COG8: variants seen among roughly 807,000 people sequenced by gnomAD.
The protein encoded by COG8 is component of oligomeric golgi complex 8.
COG8 carries 45 observed loss-of-function variants against 46.5 expected under a neutral mutation model. The ratio of observed to expected loss-of-function variants is 0.97; its 90% CI spans 0.76 to 1.24. The LOEUF (loss-of-function observed/expected upper bound fraction) is 1.24, where lower values mean the gene tolerates loss of function less well. COG8 is among the 50% of genes most tolerant of loss of function. The pLI is 0.00. For synonymous variants in COG8, 407 were observed against 347.8 expected (o/e 1.17, Z -1.90); for missense variants, 793 against 820.8 (o/e 0.97, Z 0.41).
chr16:69,330,702 C>G, intron 5 of COG8, 111 bp downstream of exon 5: 2 of 1,399,666 alleles, frequency 1.4e-6, no homozygotes, highest in Non-Finnish European at 1.9e-6. Context: ...TGGCAGTGAG[C>G]ACCGCCCCCT....
Position 69,328,971 on chromosome 16 carries a change from GAA to G in COG8, c.*233_*234del. ...AAGTAAGATTTGCCCAGCTCAAAGT[GAA>G]AGTGTTTGCGTCTTGGTATCCGGAA... On this transcript the variant is annotated 3_prime_UTR_variant, in exon 6 of 6. Transcript: ENST00000306875. 1.9e-6 allele frequency: 3 copies of G among 1,577,646 alleles called. No homozygotes were observed. The highest frequency in any genetic ancestry group is 2.3e-5 in the East Asian group (1 of 42,666).
In COG8 at chr16:69,328,448, G is replaced by A. The variant is rs912641193; in HGVS notation, c.*758C>T. 6.5e-6 allele frequency: 1 copy of A among 153,556 alleles called. No homozygotes were observed. The highest frequency in any genetic ancestry group is 2.4e-5 in the African/African-American group (1 of 41,434). The allele number at this position is 153,556 out of a possible 1,614,324, so 9.5% of individuals were successfully genotyped here. A position where few individuals can be genotyped will look rare whatever the true frequency, so the allele number is the denominator to read the frequency against. ...AATGAGCCAAGAACCAGCTGCTCTAGGGATCTCAGCAGCAAAATCCTGCCC... is the reference window on the plus strand; with the variant it reads ...AATGAGCCAAGAACCAGCTGCTCTAAGGATCTCAGCAGCAAAATCCTGCCC... On this transcript the variant is annotated 3_prime_UTR_variant, in exon 6 of 6. Coordinates refer to ENST00000306875, the MANE Select transcript of COG8 (RefSeq NM_032382.5).
chr16:69,329,979 G>A (rs1040624456), intron 5 of COG8: 11 of 1,511,608 alleles, frequency 7.3e-6, no homozygotes, highest in Non-Finnish European at 9.7e-6. Flanking sequence ...CAGCAGCCCC[G>A]GTCCCCGCCG....
Position 69,334,899 on chromosome 16 carries a change from C to T in COG8, c.1035G>A (p.Leu345=). 1 of 1,614,196 alleles carries T rather than the reference C, an allele frequency of 6.2e-7. No homozygotes were observed. The highest frequency in any genetic ancestry group is 8.5e-7 in the Non-Finnish European group (1 of 1,180,032). The change falls in exon 3 of 6, where the codon CTG becomes CTA. Residue 345 remains leucine (L), a synonymous_variant. Transcript: ENST00000306875. ...YRGIGGHLDS[L]LGQCMYFGLS... Reference sequence around the variant, plus strand: ...GCCCAAAGTACATGCACTGGCCCAGCAGAGAGTCCAGGTGGCCGCCTATGC... The same window carrying T: ...GCCCAAAGTACATGCACTGGCCCAGTAGAGAGTCCAGGTGGCCGCCTATGC...
At chr16:69,334,151 G>C (rs1346199159) in intron 3 of COG8, among the ~76,000 whole-genome samples, 1 of 152,166 alleles carries the variant, frequency 6.6e-6, no homozygotes, top group African/African-American at 2.4e-5. Flanking sequence ...CCAACACCTT[G>C]ATGGCAACCC....
At position 69,339,538 on chromosome 16, in the gene COG8, C is replaced by A; in HGVS notation, c.15G>T (p.Ala5=). Residue 5 remains alanine (A), a synonymous_variant, in exon 1 of 6, where the codon GCG becomes GCT. Transcript: ENST00000306875. MATA[A]TIPSVATATA... is the part of the protein sequence containing the mutation. ...TGGCCGTGGCTACCGATGGGATAGTCGCCGCGGTCGCCATCTTCCCAGCAA... is the reference window on the plus strand; with the variant it reads ...TGGCCGTGGCTACCGATGGGATAGTAGCCGCGGTCGCCATCTTCCCAGCAA... 2 of 1,608,716 alleles carry A rather than the reference C, an allele frequency of 1.2e-6. No homozygotes were observed. Among genetic ancestry groups the A allele is most frequent in the Non-Finnish European group, 1.7e-6 (2 of 1,179,932 alleles).
In COG8 at chr16:69,336,713, C is replaced by G. The variant is rs757320339; in HGVS notation, c.378-1G>C. ...CTCCTCGGCTTCCTTCACAAAGTTC[C>G]TAGTAATAATCAGAAGAATGTTGAT... On this transcript the variant is annotated splice_acceptor_variant, in intron 1 of 5. Transcript: ENST00000306875. LOFTEE classifies it high-confidence loss of function. 1.2e-6 allele frequency: 2 copies of G among 1,613,678 alleles called. No homozygotes were observed. The highest frequency in any genetic ancestry group is 1.3e-5 in the African/African-American group (1 of 74,918).
Position 69,330,811 on chromosome 16 carries a change from A to C in COG8, c.*26+2T>G. ...CCACCCCGCGCCGGGAACCTCACGC[A>C]CCGCGTTCTGGAGGCAGGGGACGCC... On this transcript the variant is annotated splice_donor_variant, in intron 5 of 5. Coordinates refer to ENST00000306875, the MANE Select transcript of COG8 (RefSeq NM_032382.5). LOFTEE classifies it low-confidence loss of function (3UTR_SPLICE). 6.5e-7 allele frequency: 1 copy of C among 1,527,094 alleles called. No individual in the cohort carries two copies. The highest frequency in any genetic ancestry group is 1.4e-5 in the African/African-American group (1 of 72,770). 94.6% of individuals were successfully genotyped at this position (1,527,094 alleles called of 1,614,324 possible). A position where few individuals can be genotyped will look rare whatever the true frequency, so the allele number is the denominator to read the frequency against.
chr16:69,329,003 C>G lies in COG8; in HGVS notation c.*203G>C. 6.3e-7 allele frequency: 1 copy of G among 1,597,364 alleles called. No homozygotes were observed. The highest frequency in any genetic ancestry group is 1.7e-4 in the Middle Eastern group (1 of 6,026). ...TTTGCGTCTTGGTATCCGGAATCCT[C>G]AGCCCCAGTAGCAAAGCTTTAGTCA... is the stretch of plus-strand genomic sequence containing the variant. On this transcript the variant is annotated 3_prime_UTR_variant, in exon 6 of 6. Transcript: ENST00000306875.
intron 2 of COG8, 98 bp downstream of exon 2, chr16:69,336,407 G>A: frequency 1.8e-6 from 2 of 1,142,650 alleles, no homozygotes; most frequent in Non-Finnish European, 2.6e-6. Flanking sequence ...AAACTGATGT[G>A]AAACATGCAA....
Position 69,334,710 on chromosome 16 carries a change from G to A in COG8, c.1224C>T (p.Thr408=), listed in dbSNP as rs771046105. The A allele has an allele frequency of 6.2e-7, 1 of 1,614,202 alleles. No homozygotes were observed. Among genetic ancestry groups the A allele is most frequent in the Non-Finnish European group, 8.5e-7 (1 of 1,180,046 alleles). Reference sequence around the variant, plus strand: ...CTGGCACAGCAGCAGGCATGTTACTGGTGCCCAGGATGGCTGGAGCCGAGA... The same window carrying A: ...CTGGCACAGCAGCAGGCATGTTACTAGTGCCCAGGATGGCTGGAGCCGAGA... ...MLISAPAILG[T]SNMPAAVPAT... The change falls in exon 3 of 6, where the codon ACC becomes ACT. Residue 408 remains threonine (T), a synonymous_variant. Coordinates refer to ENST00000306875, the MANE Select transcript of COG8 (RefSeq NM_032382.5).
rs1965614193 is a variant in COG8 at position 69,327,090 on chromosome 16, C to A, written c.*2116G>T. ...TCCTAAAGACCCATGTTTTTAGCAT[C>A]TATGAGCTTTCTACAAATCTCCCCA... is the stretch of plus-strand genomic sequence containing the variant. On this transcript the variant is annotated 3_prime_UTR_variant, in exon 6 of 6. Transcript: ENST00000306875. 6.6e-6 allele frequency: 1 copy of A among 150,602 alleles called. No individual in the cohort carries two copies. Among genetic ancestry groups the A allele is most frequent in the Admixed American group, 6.6e-5 (1 of 15,090 alleles). The allele number at this position is 150,602 out of a possible 1,614,324, so 9.3% of individuals were successfully genotyped here.
intron 2 of COG8, 41 bp from the exon 3 acceptor site, chr16:69,335,389 T>C: frequency 6.7e-7 from 1 of 1,492,014 alleles, no homozygotes; most frequent in Non-Finnish European, 9.1e-7. Context: ...CTGGGAAGGA[T>C]GCTCTCTAGA....
At chr16:69,333,926 TGAA>T (rs1167620215) in intron 3 of COG8, among the ~76,000 whole-genome samples, 5 of 152,192 alleles carry the variant, frequency 3.3e-5, no homozygotes, top group Non-Finnish European at 7.3e-5. Flanking sequence ...CTTAATCAAA[TGAA>T]GTTTTTAAAA....
intron 3 of COG8, among the ~76,000 whole-genome samples, chr16:69,334,238 T>A (rs533171193): frequency 6.6e-6 from 1 of 152,286 alleles, no homozygotes; most frequent in Admixed American, 6.5e-5. Flanking sequence ...AGGTAATAAA[T>A]GTGTTGCTGG....
chr16:69,328,877 C>G lies in COG8; in HGVS notation c.*329G>C, dbSNP rs1193818896. On this transcript the variant is annotated 3_prime_UTR_variant, in exon 6 of 6. Coordinates refer to ENST00000306875, the MANE Select transcript of COG8 (RefSeq NM_032382.5). ...CAGGGCAAACATTTCTGACATCTTC[C>G]TCCAGCTCAGTCTGCCATGCCTTGG... 2.8e-6 allele frequency: 3 copies of G among 1,071,226 alleles called. No homozygotes were observed. Among genetic ancestry groups the G allele is most frequent in the Non-Finnish European group, 4.0e-6 (3 of 755,848 alleles). 66.4% of individuals were successfully genotyped at this position (1,071,226 alleles called of 1,614,324 possible). A position where few individuals can be genotyped will look rare whatever the true frequency, so the allele number is the denominator to read the frequency against.
chr16:69,334,464 G>C, intron 3 of COG8, 57 bp downstream of exon 3: 1 of 1,437,732 alleles, frequency 7.0e-7, no homozygotes, highest in East Asian at 2.3e-5. Flanking sequence ...ACAAAAATCT[G>C]GCCACCCATT....
rs150474895 is a variant in COG8 at position 69,330,122 on chromosome 16, AGGG to A, written c.*26+688_*26+690del. The A allele has an allele frequency of 2.0e-3, 3,180 of 1,582,428 alleles. 71 individuals are homozygous for A. The African/African-American group carries it at 0.04, about 20-fold the overall frequency. On this transcript the variant is annotated intron_variant, in intron 5 of 5. Transcript: ENST00000306875. ...CAGGCTGGGGTTCACGAACACGCGC[AGGG>A]GGAAGGGCTCCATTTGGCGGAGCGC...
Position 69,332,751 on chromosome 16 carries a change from T to C in COG8, c.1545A>G (p.Gln515=), listed in dbSNP as rs1477883867. 3.7e-6 allele frequency: 6 copies of C among 1,614,234 alleles called. No homozygotes were observed. In the Admixed American group the frequency reaches 8.3e-5, roughly 22 times the overall value. The change falls in exon 4 of 6, where the codon CAA becomes CAG. Residue 515 remains glutamine (Q), a synonymous_variant. Transcript: ENST00000306875. The part of the protein sequence containing the change: ...DLVPYLNRCL[Q]VLFPPAQIAQ... ...CTATCTGAGCTGGTGGAAAAAGGAC[T>C]TGGAGACAGCGATTTAAATACGGAA...
Sources: allele counts gnomAD v4.1 joint callset (sites outside exome capture counted in the v4.1 genomes callset), GRCh38; gene constraint gnomAD v4.1.1; transcripts MANE v1.5; gene names NCBI Gene and HGNC (gene_info 2026-07-23, HGNC 2026-07-21).